LOXHD1: variants seen among roughly 807,000 people sequenced by gnomAD.
LOXHD1 encodes the protein lipoxygenase homology PLAT domains 1.
LOXHD1 carries 205 observed loss-of-function variants against 248.2 expected under a neutral mutation model. That is an observed-to-expected ratio of 0.83 (90% CI 0.74 to 0.93). The LOEUF is 0.93. Ranked by LOEUF, LOXHD1 falls within the 40% of genes least tolerant of loss-of-function variation. LOXHD1 has a pLI of 0.00. For synonymous variants in LOXHD1, 1,113 were observed against 1,162.8 expected, an observed-to-expected ratio of 0.96 and a Z score of 0.87; for missense variants, 2,930 against 2,971.6, an observed-to-expected ratio of 0.99 and a Z score of 0.33.
intron 2 of LOXHD1, among the ~76,000 whole-genome samples, chr18:46,646,490 C>T (rs2039032191): frequency 6.6e-6 from 1 of 152,146 alleles, no homozygotes; most frequent in Non-Finnish European, 1.5e-5. Context: ...CTCCTCCTTC[C>T]CCACTCGTCC....
chr18:46,615,829 C>G (rs2144322990), intron 5 of LOXHD1, among the ~76,000 whole-genome samples: 1 of 152,122 alleles, frequency 6.6e-6, no homozygotes, highest in East Asian at 1.9e-4. Flanking sequence ...CCAAATTCCT[C>G]CAAGAATTTT....
intron 8 of LOXHD1, among the ~76,000 whole-genome samples, chr18:46,596,950 G>A (rs937715862): frequency 2.2e-4 from 34 of 152,164 alleles, no homozygotes; most frequent in African/African-American, 7.7e-4. Context: ...AACTTCTAAA[G>A]GGTATCTTCA....
chr18:46,493,307 G>T (rs2033615679), intron 37 of LOXHD1, among the ~76,000 whole-genome samples: 1 of 152,174 alleles, frequency 6.6e-6, no homozygotes, highest in South Asian at 2.1e-4. Flanking sequence ...AACCCTATTT[G>T]CAGAAGCTTC....
At chr18:46,558,267 G>A (rs943859339) in intron 20 of LOXHD1, among the ~76,000 whole-genome samples, 3 of 152,140 alleles carry the variant, frequency 2.0e-5, no homozygotes, top group African/African-American at 7.2e-5. Context: ...TCATTTGAAA[G>A]TAAGTGGCAG....
rs1302071864 is a variant in LOXHD1 at position 46,572,151 on chromosome 18, T to G, written c.1982A>C (p.Lys661Thr). 6.4e-7 allele frequency: 1 copy of G among 1,551,850 alleles called. No individual in the cohort carries two copies. The highest frequency in any genetic ancestry group is 2.0e-5 in the Admixed American group (1 of 51,010). ...GACCAGCTGCCCATCATCCTTATCC[T>G]TGTCCAACCACCTGGTGGGCAAATG... ...VEFPCLRWLD[K>T]DKDDGQLVRE... is the part of the protein sequence containing the mutation. The change falls in exon 15 of 41, where the codon AAG (lysine) becomes ACG (threonine). Residue 661 changes from lysine to threonine, a missense_variant. Physicochemically the swap from Lys to Thr is moderately conservative, Grantham distance 78 (BLOSUM62 -1). Coordinates refer to ENST00000642948, the MANE Select transcript of LOXHD1 (RefSeq NM_001384474.1).
chr18:46,643,997 A>C (rs1487970989), intron 2 of LOXHD1, among the ~76,000 whole-genome samples: 1 of 152,252 alleles, frequency 6.6e-6, no homozygotes, highest in African/African-American at 2.4e-5. Flanking sequence ...ACTTTTAAAA[A>C]ATCATGTCTA....
chr18:46,592,139 CT>C (rs2038181813), intron 11 of LOXHD1, 71 bp from the exon 12 acceptor site: 3 of 1,533,306 alleles, frequency 2.0e-6, no homozygotes, highest in Non-Finnish European at 2.7e-6. Context: ...AGTCCCCATT[CT>C]GCTATCTCAT....
intron 11 of LOXHD1, 109 bp downstream of exon 11, chr18:46,592,389 C>T: frequency 1.1e-6 from 1 of 925,244 alleles, no homozygotes; most frequent in Non-Finnish European, 1.7e-6. Flanking sequence ...CTTTTCAGTC[C>T]CTATTCACAA....
At chr18:46,507,789 C>T in intron 35 of LOXHD1, 77 bp from the exon 36 acceptor site, 1 of 1,432,182 alleles carries the variant, frequency 7.0e-7, no homozygotes, top group Non-Finnish European at 9.4e-7. Context: ...CATGCAGCCC[C>T]TCCCCGAATC....
chr18:46,584,723 G>A lies in LOXHD1; in HGVS notation c.1655-4939C>T, dbSNP rs533020884. On this transcript the variant is annotated intron_variant, in intron 12 of 40. Coordinates refer to ENST00000642948, the MANE Select transcript of LOXHD1 (RefSeq NM_001384474.1). Reference sequence around the variant, plus strand: ...GAACATTTCCCAACTCATTTTCTGAGGCCAGCATTACCCTGGTACCAAAAC... The same window carrying A: ...GAACATTTCCCAACTCATTTTCTGAAGCCAGCATTACCCTGGTACCAAAAC... 2.0e-5 allele frequency among the ~76,000 whole-genome samples: 3 copies of A among 152,122 alleles called. No homozygotes were observed. The East Asian group carries it at 5.8e-4, about 29-fold the overall frequency.
chr18:46,560,436 A>G lies in LOXHD1; in HGVS notation c.2708T>C (p.Val903Ala), dbSNP rs375940400. 2.1e-5 allele frequency: 32 copies of G among 1,545,244 alleles called. No individual in the cohort carries two copies. Among genetic ancestry groups the G allele is most frequent in the Admixed American group, 2.0e-5 (1 of 50,994 alleles). ...VDTVWLRHLV[V>A]REVDLTPEEE... ...CTCCGGCGTGAGGTCCACCTCCCGC[A>G]CCACCAGGTGCCGCAGCCACACGGT... is the stretch of plus-strand genomic sequence containing the variant. Residue 903 changes from valine (V) to alanine (A), a missense_variant, in exon 19 of 41, where the codon GTG becomes GCG. Transcript: ENST00000642948.
rs113832145 is a variant in LOXHD1 at position 46,535,368 on chromosome 18, C to A, written c.4096-917G>T. On this transcript the variant is annotated intron_variant, in intron 26 of 40. Coordinates refer to ENST00000642948, the MANE Select transcript of LOXHD1 (RefSeq NM_001384474.1). ...CTCATAATGCGGTGGTGAGCCTTAA[C>A]CACGATGGTGTGCATGAAAGTCCCC... 3.2e-3 allele frequency among the ~76,000 whole-genome samples: 491 copies of A among 152,116 alleles called. 5 individuals carry two copies. Among genetic ancestry groups the A allele is most frequent in the African/African-American group, 0.011 (446 of 41,478 alleles).
intron 40 of LOXHD1, among the ~76,000 whole-genome samples, chr18:46,480,866 A>G (rs2012334241): frequency 6.6e-6 from 1 of 152,146 alleles, no homozygotes; most frequent in African/African-American, 2.4e-5. Context: ...CTGTATTTGA[A>G]TTTTTATGGT....
At chr18:46,487,782 A>G (rs1425722183) in intron 38 of LOXHD1, among the ~76,000 whole-genome samples, 1 of 152,198 alleles carries the variant, frequency 6.6e-6, no homozygotes. Flanking sequence ...AGTTGAGAGG[A>G]GAAGAGAGAA....
rs1354258326 is a variant in LOXHD1, at chr18:46,610,938, C to T, written c.611-14G>A. The T allele has an allele frequency of 1.9e-6, 3 of 1,549,588 alleles. No individual in the cohort carries two copies. The highest frequency in any genetic ancestry group is 2.0e-5 in the Admixed American group (1 of 50,464). ...GCCTACGCTCCCCTGTATGCACAGA[C>T]ATACAAAAGAAATTACAAAAAGACC... On this transcript the variant is annotated splice_polypyrimidine_tract_variant and intron_variant, in intron 5 of 40. Transcript: ENST00000642948.
intron 12 of LOXHD1, among the ~76,000 whole-genome samples, chr18:46,587,349 A>G (rs2038080861): frequency 6.6e-6 from 1 of 152,194 alleles, no homozygotes; most frequent in African/African-American, 2.4e-5. Flanking sequence ...CTTAATTATG[A>G]TGAAGGCCAG....
chr18:46,533,764 C>CA, intron 27 of LOXHD1: 1 of 298,560 alleles, frequency 3.3e-6, no homozygotes, highest in Non-Finnish European at 6.7e-6. Context: ...TCTCTACTAA[C>CA]AAAATATAAA....
At position 46,588,025 on chromosome 18, in the gene LOXHD1, T is replaced by C. The variant is rs1360305443; in HGVS notation, c.1654+3908A>G. ...ATTTTAAATTGGTATTTACTCATTT[T>C]ACGTGAGTCTAAGACTCTCCTCTTA... On this transcript the variant is annotated intron_variant, in intron 12 of 40. Transcript: ENST00000642948. 2.0e-5 allele frequency among the ~76,000 whole-genome samples: 3 copies of C among 152,204 alleles called. No individual in the cohort carries two copies. The South Asian group carries it at 6.2e-4, about 32-fold the overall frequency.
rs2038762870 is a variant in LOXHD1 at position 46,627,716 on chromosome 18, G to A, written c.512-9426C>T. The stretch of plus-strand genomic sequence containing the variant: ...CATTCCCAGGTGTGTGAGTGACACT[G>A]AGCCATCAGAGCTCATTTCCCCAAG... On this transcript the variant is annotated intron_variant, in intron 4 of 40. Transcript: ENST00000642948. Among the ~76,000 whole-genome samples the A allele has an allele frequency of 2.0e-5, 3 of 152,138 alleles. No individual in the cohort carries two copies. In the South Asian group the frequency reaches 6.2e-4, roughly 32 times the overall value.
Sources: gnomAD v4.1 joint callset for allele counts (sites outside exome capture counted in the v4.1 genomes callset) on GRCh38, gnomAD v4.1.1 for gene constraint, MANE v1.5 for transcripts, NCBI Gene and HGNC (gene_info 2026-07-23, HGNC 2026-07-21) for gene names.